Variants in TRNAU1AP observed in about 807,000 individuals in gnomAD.
TRNAU1AP encodes tRNA selenocysteine 1 associated protein 1.
In TRNAU1AP, 33 loss-of-function variants were observed where a neutral mutation model predicts 43.3. The ratio of observed to expected loss-of-function variants is 0.76; its 90% confidence interval spans 0.58 to 1.02. The LOEUF is 1.02. Ranked by LOEUF, TRNAU1AP falls within the 50% of genes least tolerant of loss-of-function variation. The probability of loss-of-function intolerance (pLI) is 0.00; values close to 1 mark genes in which losing one functional copy is unlikely to be tolerated. For missense variants in TRNAU1AP, 290 were observed against 362.7 expected, an observed-to-expected ratio of 0.80 and a Z score of 1.63; for synonymous variants, 143 against 129.1, an observed-to-expected ratio of 1.11 and a Z score of -0.73.
At chr1:28,565,051 G>A in intron 5 of TRNAU1AP, 1 of 562,692 alleles carries the variant, frequency 1.8e-6, no homozygotes, top group Non-Finnish European at 3.1e-6. Flanking sequence ...TCTGTAAAAT[G>A]GAGCTGATTA....
At chr1:28,555,091 G>A (rs2124184051) in intron 2 of TRNAU1AP, among the ~76,000 whole-genome samples, 1 of 151,578 alleles carries the variant, frequency 6.6e-6, no homozygotes, top group East Asian at 2.0e-4. Context: ...TTAGCCAGGC[G>A]TGGTGGTGCA....
At chr1:28,560,756 A>T in intron 3 of TRNAU1AP, 24 bp downstream of exon 3, 1 of 1,546,914 alleles carries the variant, frequency 6.5e-7, no homozygotes, top group South Asian at 1.1e-5. Flanking sequence ...GATAATGATG[A>T]TGTTGCCATT....
chr1:28,553,153 C>A lies in TRNAU1AP; in HGVS notation c.27+16C>A. The A allele has an allele frequency of 6.6e-7, 1 of 1,511,784 alleles. No individual in the cohort carries two copies. 93.6% of individuals were successfully genotyped at this position (1,511,784 alleles called of 1,614,324 possible). A position where few individuals can be genotyped will look rare whatever the true frequency, so the allele number is the denominator to read the frequency against. On this transcript the variant is annotated intron_variant, in intron 1 of 8. Transcript: ENST00000373830. ...GATGGGCGACGTGAGTGAGGGCAGCCGTCCGGGGTCTGAAGACAAGGAAGC... is the reference window on the plus strand; with the variant it reads ...GATGGGCGACGTGAGTGAGGGCAGCAGTCCGGGGTCTGAAGACAAGGAAGC...
intron 6 of TRNAU1AP, among the ~76,000 whole-genome samples, chr1:28,568,709 G>C (rs1173154619): frequency 6.6e-6 from 1 of 152,048 alleles, no homozygotes; most frequent in Non-Finnish European, 1.5e-5. Context: ...GTGGGTATCG[G>C]CCAAGGATAC....
chr1:28,554,281 G>A (rs1665205724), intron 2 of TRNAU1AP, among the ~76,000 whole-genome samples: 1 of 151,572 alleles, frequency 6.6e-6, no homozygotes, highest in African/African-American at 2.4e-5. Flanking sequence ...TATGACCTTG[G>A]GTAAGTTACT....
At chr1:28,570,770 A>G (rs1665646847) in intron 6 of TRNAU1AP, among the ~76,000 whole-genome samples, 2 of 151,982 alleles carry the variant, frequency 1.3e-5, no homozygotes, top group African/African-American at 4.8e-5. Context: ...CTTATTGCAT[A>G]TGGTTGTTTT....
In TRNAU1AP at chr1:28,553,739, T is replaced by C; in HGVS notation, c.125+2T>C. On this transcript the variant is annotated splice_donor_variant, in intron 2 of 8. Coordinates refer to ENST00000373830, the MANE Select transcript of TRNAU1AP (RefSeq NM_017846.5). LOFTEE classifies it high-confidence loss of function. ...AATTATCCGAAACCGCCTCACTGGG[T>C]AAGTCTCATCTCAGGTCTCTCTTAA... 6.2e-7 allele frequency: 1 copy of C among 1,613,398 alleles called. No individual in the cohort carries two copies. Among genetic ancestry groups the C allele is most frequent in the Non-Finnish European group, 8.5e-7 (1 of 1,179,320 alleles).
Position 28,561,520 on chromosome 1 carries a change from C to G in TRNAU1AP, c.278+122C>G, listed in dbSNP as rs888799675. The G allele has an allele frequency of 1.5e-5, 16 of 1,089,858 alleles. 1 individual carries two copies. Among genetic ancestry groups the G allele is most frequent in the Non-Finnish European group, 2.2e-5 (16 of 730,156 alleles). The allele number at this position is 1,089,858 out of a possible 1,614,324, so 67.5% of individuals were successfully genotyped here. A position where few individuals can be genotyped will look rare whatever the true frequency, so the allele number is the denominator to read the frequency against. On this transcript the variant is annotated intron_variant, in intron 4 of 8. Coordinates refer to ENST00000373830, the MANE Select transcript of TRNAU1AP (RefSeq NM_017846.5). ...CCCTCCTGAAGGACGACGCTCTTCT[C>G]CCTTCCTTGCTGGTGGACCTTCCTG...
intron 6 of TRNAU1AP, among the ~76,000 whole-genome samples, chr1:28,570,438 G>A (rs1011640554): frequency 1.3e-5 from 2 of 151,750 alleles, no homozygotes; most frequent in Non-Finnish European, 2.9e-5. Flanking sequence ...GTAGAGATGG[G>A]GTTTCACCAT....
chr1:28,557,217 A>C (rs1351576245), intron 2 of TRNAU1AP, among the ~76,000 whole-genome samples: 1 of 151,388 alleles, frequency 6.6e-6, no homozygotes, highest in Non-Finnish European at 1.5e-5. Context: ...CAGGAGATCG[A>C]GACCATCCTG....
At chr1:28,576,239 G>A (rs955440055) in intron 8 of TRNAU1AP, among the ~76,000 whole-genome samples, 5 of 143,794 alleles carry the variant, frequency 3.5e-5, no homozygotes, top group South Asian at 2.3e-4. Context: ...CTGCAGCCTC[G>A]ACCTCCTAGG....
At chr1:28,557,874 A>T (rs929778020) in intron 2 of TRNAU1AP, among the ~76,000 whole-genome samples, 1 of 149,766 alleles carries the variant, frequency 6.7e-6, no homozygotes, top group Non-Finnish European at 1.5e-5. Flanking sequence ...GGCGTGAGCC[A>T]CCGCTCCCGG....
intron 5 of TRNAU1AP, chr1:28,565,446 C>T (rs913414840): frequency 6.6e-6 from 1 of 150,794 alleles, no homozygotes; most frequent in African/African-American, 2.5e-5. Flanking sequence ...GATTGTGCCA[C>T]TGCACTCCAG....
rs971219602 is a variant in TRNAU1AP at position 28,574,809 on chromosome 1, C to T, written c.728-2691C>T. 2.0e-5 allele frequency: 3 copies of T among 152,248 alleles called. 1 individual carries two copies. Among genetic ancestry groups the T allele is most frequent in the East Asian group, 1.9e-4 (1 of 5,180 alleles). The allele number at this position is 152,248 out of a possible 1,614,324, so 9.4% of individuals were successfully genotyped here. ...AAATGTTTTCTGTCAAGAAAATGTTCGTTAAAGGAAACAGATCCCTTTTAG... is the reference window on the plus strand; with the variant it reads ...AAATGTTTTCTGTCAAGAAAATGTTTGTTAAAGGAAACAGATCCCTTTTAG... On this transcript the variant is annotated intron_variant, in intron 8 of 8. Transcript: ENST00000373830.
intron 2 of TRNAU1AP, among the ~76,000 whole-genome samples, chr1:28,558,807 C>T (rs537061354): frequency 1.4e-4 from 21 of 152,102 alleles, no homozygotes; most frequent in East Asian, 1.2e-3. Context: ...CCTCGTGATC[C>T]GCCCGCCTCG....
At chr1:28,575,400 G>A (rs1054040087) in intron 8 of TRNAU1AP, among the ~76,000 whole-genome samples, 9 of 151,432 alleles carry the variant, frequency 5.9e-5, no homozygotes, top group African/African-American at 1.2e-4. Context: ...TGATCCGCCC[G>A]CCTCTGCCTC....
At chr1:28,559,516 T>C (rs1412009295) in intron 2 of TRNAU1AP, among the ~76,000 whole-genome samples, 1 of 151,916 alleles carries the variant, frequency 6.6e-6, no homozygotes, top group African/African-American at 2.4e-5. Flanking sequence ...TAATTCCAGC[T>C]ACTTGGGAGG....
chr1:28,553,174 G>A (rs1456122835), intron 1 of TRNAU1AP, 37 bp downstream of exon 1: 15 of 1,475,044 alleles, frequency 1.0e-5, no homozygotes, highest in Admixed American at 2.6e-5. Flanking sequence ...TGAAGACAAG[G>A]AAGCATCTCG....
intron 3 of TRNAU1AP, 61 bp downstream of exon 3, chr1:28,560,793 A>C: frequency 7.5e-7 from 1 of 1,334,932 alleles, no homozygotes; most frequent in Non-Finnish European, 1.1e-6. Flanking sequence ...ACTACCATCT[A>C]TTGAATCCCT....
Sources: gnomAD v4.1 joint callset for allele counts (sites outside exome capture counted in the v4.1 genomes callset) on GRCh38, gnomAD v4.1.1 for gene constraint, MANE v1.5 for transcripts, NCBI Gene and HGNC (gene_info 2026-07-23, HGNC 2026-07-21) for gene names.